MYO1B: variants seen among roughly 807,000 people sequenced by gnomAD.
The protein encoded by MYO1B is unconventional myosin-Ib.
A neutral mutation model predicts 159.7 loss-of-function variants in MYO1B; 72 were observed. That is an observed-to-expected ratio of 0.45 (90% confidence interval 0.37 to 0.55). MYO1B has a LOEUF of 0.55. MYO1B is among the 20% of genes least tolerant of loss of function. MYO1B has a pLI of 0.00. For synonymous variants in MYO1B, 468 were observed against 473.8 expected (o/e 0.99, Z 0.16); for missense variants, 1,062 against 1,364.8 (o/e 0.78, Z 3.50).
intron 1 of MYO1B, among the ~76,000 whole-genome samples, chr2:191,256,502 C>A (rs1686458611): frequency 6.6e-6 from 1 of 152,176 alleles, no homozygotes; most frequent in Admixed American, 6.5e-5. Context: ...ATATTTAAAT[C>A]TGTTTGAATC....
rs374131448 is a variant in MYO1B at position 191,296,084 on chromosome 2, G to A, written c.136-27G>A. 7.4e-6 allele frequency: 10 copies of A among 1,345,324 alleles called. No homozygotes were observed. In the African/African-American group the frequency reaches 1.2e-4, roughly 16 times the overall value. The allele number at this position is 1,345,324 out of a possible 1,614,324, so 83.3% of individuals were successfully genotyped here. On this transcript the variant is annotated intron_variant, in intron 2 of 30. Transcript: ENST00000392318. ...AAATACATTTTGTGTACTAACTAAT[G>A]GGCATGTTTTGTTCTTTCTTTTGCA...
chr2:191,355,814 C>T (rs1693240615), intron 7 of MYO1B, among the ~76,000 whole-genome samples: 1 of 152,110 alleles, frequency 6.6e-6, no homozygotes. Context: ...GGAGATGCTT[C>T]CACATGGAAA....
chr2:191,271,908 T>C (rs372621328), intron 1 of MYO1B, among the ~76,000 whole-genome samples: 15 of 152,184 alleles, frequency 9.9e-5, no homozygotes, highest in Admixed American at 7.2e-4. Context: ...TGTTGACATA[T>C]GGTAGGTGGC....
rs751423328 is a variant in MYO1B, at chr2:191,364,190, G to A, written c.946G>A (p.Asp316Asn). 2 of 1,613,912 alleles carry A rather than the reference G, an allele frequency of 1.2e-6. No individual in the cohort carries two copies. The highest frequency in any genetic ancestry group is 1.1e-5 in the South Asian group (1 of 91,052). ...LKEICELTGI[D>N]QSVLERAFSF... ...AGAAATTTGTGAATTGACCGGCATT[G>A]ATCAATCAGTTCTAGAACGAGCATT... The change falls in exon 11 of 31, where the codon GAT becomes AAT. Residue 316 changes from aspartate to asparagine, a missense_variant. Coordinates refer to ENST00000392318, the MANE Select transcript of MYO1B (RefSeq NM_001130158.3).
chr2:191,253,233 A>T (rs545502157), intron 1 of MYO1B, among the ~76,000 whole-genome samples: 15 of 152,334 alleles, frequency 9.8e-5, no homozygotes, highest in Admixed American at 9.1e-4. Context: ...AGAGAAAGAT[A>T]CAGTATTCAC....
At position 191,341,554 on chromosome 2, in the gene MYO1B, C is replaced by G; in HGVS notation, c.440C>G (p.Pro147Arg). Reference sequence around the variant, plus strand: ...AAAGAACAGCTTTTACAGTCCAACCCGGTCCTGGAAGGTAGGATGTGTTAT... The same window carrying G: ...AAAGAACAGCTTTTACAGTCCAACCGGGTCCTGGAAGGTAGGATGTGTTAT... ...QVKEQLLQSN[P>R]VLEAFGNAKT... Residue 147 changes from proline (P) to arginine (R), a missense_variant, in exon 5 of 31, where the codon CCG becomes CGG. By Grantham distance (103) the Pro-to-Arg change is moderately radical (BLOSUM62 -2). Coordinates refer to ENST00000392318, the MANE Select transcript of MYO1B (RefSeq NM_001130158.3). 6.2e-7 allele frequency: 1 copy of G among 1,613,298 alleles called. No homozygotes were observed. The highest frequency in any genetic ancestry group is 8.5e-7 in the Non-Finnish European group (1 of 1,179,548).
At position 191,387,283 on chromosome 2, in the gene MYO1B, G is replaced by C; in HGVS notation, c.1614G>C (p.Leu538=). The change falls in exon 17 of 31, where the codon CTG becomes CTC. Residue 538 remains leucine (L), a synonymous_variant. Transcript: ENST00000392318. ...ACAATGACCTTCTCTATCGAGACCT[G>C]TCCCAAGCCATGTGGAAGGCCAGCC... is the stretch of plus-strand genomic sequence containing the variant. ...DKNNDLLYRD[L]SQAMWKASHA... is the part of the protein sequence containing the mutation. 6.2e-7 allele frequency: 1 copy of C among 1,614,116 alleles called. No individual in the cohort carries two copies. Among genetic ancestry groups the C allele is most frequent in the Non-Finnish European group, 8.5e-7 (1 of 1,180,028 alleles).
chr2:191,279,729 T>A (rs1403590671), intron 2 of MYO1B, among the ~76,000 whole-genome samples: 1 of 152,160 alleles, frequency 6.6e-6, no homozygotes, highest in Non-Finnish European at 1.5e-5. Flanking sequence ...TGCTTCACTC[T>A]GTTTTTCAAT....
intron 3 of MYO1B, among the ~76,000 whole-genome samples, chr2:191,316,533 AACCTTT>A (rs1164956174): frequency 6.6e-6 from 1 of 152,152 alleles, no homozygotes; most frequent in African/African-American, 2.4e-5. Context: ...TGTGTGTTTT[AACCTTT>A]AAGCAATAAA....
chr2:191,344,864 C>G (rs1296135730), intron 5 of MYO1B, among the ~76,000 whole-genome samples: 1 of 140,732 alleles, frequency 7.1e-6, no homozygotes, highest in East Asian at 2.1e-4. Flanking sequence ...ATCAAAAACA[C>G]GAAAAAGCCA....
In MYO1B at chr2:191,387,406, C is replaced by G; in HGVS notation, c.1737C>G (p.Ala579=). Residue 579 remains alanine (A), a synonymous_variant, in exon 17 of 31, where the codon GCC becomes GCG. Transcript: ENST00000392318. ...GCTCACAGTTCAAGGCATCCGTGGC[C>G]ACTCTGATGAAAAACCTACAGACCA... ...TAGSQFKASV[A]TLMKNLQTKN... is the part of the protein sequence containing the mutation. The G allele has an allele frequency of 6.2e-7, 1 of 1,614,172 alleles. No homozygotes were observed. Among genetic ancestry groups the G allele is most frequent in the Non-Finnish European group, 8.5e-7 (1 of 1,180,040 alleles).
chr2:191,416,360 G>C, intron 30 of MYO1B, 118 bp downstream of exon 30: 9 of 1,232,438 alleles, frequency 7.3e-6, no homozygotes, highest in Non-Finnish European at 9.3e-6. Flanking sequence ...GTGTCTAGTA[G>C]TTGTTCCACA....
At chr2:191,258,433 C>T (rs185103865) in intron 1 of MYO1B, among the ~76,000 whole-genome samples, 74 of 152,246 alleles carry the variant, frequency 4.9e-4, no homozygotes, top group Non-Finnish European at 7.9e-4. Context: ...GGGCCTAGGA[C>T]GTTACTGTAC....
At chr2:191,260,890 A>G (rs895844396) in intron 1 of MYO1B, among the ~76,000 whole-genome samples, 2 of 152,248 alleles carry the variant, frequency 1.3e-5, no homozygotes, top group African/African-American at 4.8e-5. Context: ...TATTTGGATC[A>G]GAATAAATAT....
intron 3 of MYO1B, among the ~76,000 whole-genome samples, chr2:191,305,134 A>C (rs1182531214): frequency 6.6e-6 from 1 of 152,208 alleles, no homozygotes; most frequent in Non-Finnish European, 1.5e-5. Flanking sequence ...CCACAGTTGG[A>C]ACCCACCTGG....
At chr2:191,320,915 T>C (rs1486156763) in intron 3 of MYO1B, among the ~76,000 whole-genome samples, 3 of 152,042 alleles carry the variant, frequency 2.0e-5, no homozygotes, top group Non-Finnish European at 4.4e-5. Flanking sequence ...TTGCCTTCTG[T>C]GATAACCTGA....
intron 13 of MYO1B, among the ~76,000 whole-genome samples, chr2:191,371,305 A>C (rs2126041101): frequency 6.6e-6 from 1 of 152,312 alleles, no homozygotes; most frequent in Admixed American, 6.5e-5. Flanking sequence ...GAAAAAAAAC[A>C]TCAGATCATT....
intron 22 of MYO1B, 101 bp downstream of exon 22, chr2:191,400,569 C>G (rs1696547491): frequency 7.1e-7 from 1 of 1,412,106 alleles, no homozygotes; most frequent in African/African-American, 1.4e-5. Context: ...CTGGCTTGAG[C>G]TACTGAGCAC....
At chr2:191,383,418 A>T in intron 15 of MYO1B, 76 bp downstream of exon 15, 1 of 489,050 alleles carries the variant, frequency 2.0e-6, no homozygotes, top group Non-Finnish European at 3.2e-6. Flanking sequence ...TCAGTGCCTC[A>T]ATGTTAAGCA....
Sources: allele counts gnomAD v4.1 joint callset (sites outside exome capture counted in the v4.1 genomes callset), GRCh38; gene constraint gnomAD v4.1.1; transcripts MANE v1.5; gene names NCBI Gene and HGNC (gene_info 2026-07-23, HGNC 2026-07-21).